Variants in ANKRD62 observed in about 807,000 individuals in gnomAD.
ANKRD62 encodes the protein ankyrin repeat domain-containing protein 62.
Under a neutral mutation model 98.8 loss-of-function variants are expected in ANKRD62, and 61 were observed. That is an observed-to-expected ratio of 0.62 (90% CI 0.50 to 0.76). The LOEUF is 0.76. ANKRD62 is among the 30% of genes least tolerant of loss of function. The pLI is 0.00. For synonymous variants in ANKRD62, 341 were observed against 367.9 expected (o/e 0.93, Z 0.84); for missense variants, 933 against 1,082.9 (o/e 0.86, Z 1.94).
chr18:12,159,851 A>G, the ANKRD62 span, among the ~76,000 whole-genome samples: 674 of 152,320 alleles, frequency 4.4e-3, 7 homozygotes, highest in African/African-American at 0.015. Flanking sequence ...TGGAAAATAT[A>G]TAACTGAATA....
the ANKRD62 span, among the ~76,000 whole-genome samples, chr18:12,141,429 G>A: frequency 2.8e-4 from 42 of 152,282 alleles, 1 homozygote; most frequent in South Asian, 6.2e-3. Flanking sequence ...CTTCTGTGTC[G>A]CTCACACTGG....
chr18:12,109,336 G>A (rs1007688249), intron 8 of ANKRD62, among the ~76,000 whole-genome samples: 7 of 152,170 alleles, frequency 4.6e-5, no homozygotes, highest in African/African-American at 1.7e-4. Flanking sequence ...CAAGGCATGG[G>A]TTTTTCACTC....
downstream of ANKRD62, among the ~76,000 whole-genome samples, chr18:12,130,843 A>G (rs1379916325): frequency 2.0e-5 from 3 of 151,926 alleles, no homozygotes; most frequent in African/African-American, 4.8e-5. Flanking sequence ...AGGTGCGTGC[A>G]GCCACACCAG....
chr18:12,146,295 C>A, the ANKRD62 span, among the ~76,000 whole-genome samples: 8 of 152,198 alleles, frequency 5.3e-5, no homozygotes, highest in African/African-American at 1.9e-4. Flanking sequence ...GTGGGACTTT[C>A]CAGGAGGAGG....
chr18:12,121,259 T>C (rs961641614), intron 10 of ANKRD62, among the ~76,000 whole-genome samples: 7 of 152,190 alleles, frequency 4.6e-5, no homozygotes, highest in African/African-American at 9.7e-5. Context: ...AGAATTCTTT[T>C]TGTTCTTGCT....
In ANKRD62 at chr18:12,107,397, A is replaced by G. The variant is rs1460816773; in HGVS notation, c.994A>G (p.Ile332Val). The G allele has an allele frequency of 6.6e-7, 1 of 1,526,672 alleles. No individual in the cohort carries two copies. The highest frequency in any genetic ancestry group is 8.8e-7 in the Non-Finnish European group (1 of 1,142,608). 94.6% of individuals were successfully genotyped at this position (1,526,672 alleles called of 1,614,324 possible). A position where few individuals can be genotyped will look rare whatever the true frequency, so the allele number is the denominator to read the frequency against. Reference protein sequence around the residue: ...DNYNDDVDELIHKIKNRKPDN... With the variant: ...DNYNDDVDELVHKIKNRKPDN... ...TTATAATGATGATGTTGATGAATTAATTCACAAAATAAAGAACAGAAAACC... is the reference window on the plus strand; with the variant it reads ...TTATAATGATGATGTTGATGAATTAGTTCACAAAATAAAGAACAGAAAACC... Residue 332 changes from isoleucine (I) to valine (V), a missense_variant, in exon 8 of 14, where the codon ATT (isoleucine) becomes GTT (valine). Ile to Val is a conservative substitution (Grantham distance 29). Around this residue, in one of 3 missense-constraint regions of ANKRD62, gnomAD observed 549 missense variants for 587.9 expected, o/e 0.93. Coordinates refer to ENST00000587848, the MANE Select transcript of ANKRD62 (RefSeq NM_001277333.2).
chr18:12,139,989 A>G, the ANKRD62 span, among the ~76,000 whole-genome samples: 1 of 152,136 alleles, frequency 6.6e-6, no homozygotes, highest in Admixed American at 6.5e-5. Context: ...TACACCAATG[A>G]TATGTAGATT....
chr18:12,118,214 C>T (rs1194344251), intron 10 of ANKRD62, among the ~76,000 whole-genome samples: 2 of 152,202 alleles, frequency 1.3e-5, no homozygotes, highest in Non-Finnish European at 2.9e-5. Flanking sequence ...CCTGTGTATC[C>T]TTTCCTGGTG....
In ANKRD62 at chr18:12,103,150, G is replaced by A. The variant is rs182520049; in HGVS notation, c.821-8G>A. The A allele has an allele frequency of 3.3e-4, 460 of 1,374,408 alleles. No homozygotes were observed. The African/African-American group carries it at 5.8e-3, about 17-fold the overall frequency. 85.1% of individuals were successfully genotyped at this position (1,374,408 alleles called of 1,614,324 possible). A position where few individuals can be genotyped will look rare whatever the true frequency, so the allele number is the denominator to read the frequency against. On this transcript the variant is annotated splice_polypyrimidine_tract_variant and splice_region_variant and intron_variant, in intron 6 of 13. Coordinates refer to ENST00000587848, the MANE Select transcript of ANKRD62 (RefSeq NM_001277333.2). ...TCATTTTAACTAAATATATGGATTT[G>A]TGAGCAGAACAAGACTTAGAAATGA...
At position 12,128,809 on chromosome 18, in the gene ANKRD62, A is replaced by G. The variant is rs1909946137; in HGVS notation, c.*870A>G. On this transcript the variant is annotated 3_prime_UTR_variant, in exon 14 of 14. Transcript: ENST00000587848. ...GCGCGGTGGCTCACGCCTGTGATCC[A>G]AGCACTTTGGGAGGCTGAAACGGGT... is the stretch of plus-strand genomic sequence containing the variant. 1 of 152,102 alleles carries G rather than the reference A, an allele frequency of 6.6e-6. No homozygotes were observed. The highest frequency in any genetic ancestry group is 3.2e-3 in the Middle Eastern group (1 of 316). 9.4% of individuals were successfully genotyped at this position (152,102 alleles called of 1,614,324 possible). A position where few individuals can be genotyped will look rare whatever the true frequency, so the allele number is the denominator to read the frequency against.
intron 6 of ANKRD62, chr18:12,102,301 C>G: frequency 2.7e-6 from 2 of 727,578 alleles, no homozygotes; most frequent in Non-Finnish European, 5.1e-6. Context: ...ACCTGGGAAC[C>G]AGAATGGTGG....
chr18:12,098,247 A>G (rs751747809), intron 5 of ANKRD62, among the ~76,000 whole-genome samples: 2 of 152,138 alleles, frequency 1.3e-5, no homozygotes, highest in Non-Finnish European at 2.9e-5. Context: ...TCTGTTTTCC[A>G]TAATAATAAA....
chr18:12,095,199 G>T lies in ANKRD62; in HGVS notation c.247G>T (p.Gly83Cys). The T allele has an allele frequency of 6.5e-7, 1 of 1,536,748 alleles. No individual in the cohort carries two copies. The highest frequency in any genetic ancestry group is 8.7e-7 in the Non-Finnish European group (1 of 1,146,840). ...TGCTCTACTTTTGGCGTGTGCCCAT[G>T]GCCGTCCAGGAGTGGTAGCTGACCT... ...RTALLLACAH[G>C]RPGVVADLVA... The change falls in exon 2 of 14, where the codon GGC becomes TGC. Residue 83 changes from glycine (G) to cysteine (C), a missense_variant. Gly to Cys is a radical substitution (Grantham distance 159). Around this residue, in one of 3 missense-constraint regions of ANKRD62, gnomAD observed 549 missense variants for 587.9 expected, o/e 0.93. Transcript: ENST00000587848.
At chr18:12,104,522 A>G (rs957605393) in intron 7 of ANKRD62, among the ~76,000 whole-genome samples, 2 of 152,176 alleles carry the variant, frequency 1.3e-5, no homozygotes, top group Non-Finnish European at 2.9e-5. Flanking sequence ...GTGCAAAAGT[A>G]TGAGGAAAAC....
intron 6 of ANKRD62, among the ~76,000 whole-genome samples, chr18:12,101,551 T>G (rs1909299632): frequency 6.6e-6 from 1 of 152,224 alleles, no homozygotes; most frequent in Non-Finnish European, 1.5e-5. Flanking sequence ...AGGGAAGTTT[T>G]CAAAAACTGA....
At chr18:12,102,402 G>A (rs1909321094) in intron 6 of ANKRD62, 2 of 556,958 alleles carry the variant, frequency 3.6e-6, no homozygotes, top group African/African-American at 3.7e-5. Flanking sequence ...GTGACCACTG[G>A]GGTTCGCAGC....
chr18:12,129,607 G>A lies in ANKRD62; in HGVS notation c.*1668G>A, dbSNP rs1220530518. ...CTAAAAAACACAAAAAATTAGCCAG[G>A]CGTGGTGGCAGGCGCCTGTAGTCCC... On this transcript the variant is annotated 3_prime_UTR_variant, in exon 14 of 14. Transcript: ENST00000587848. 1 of 152,124 alleles carries A rather than the reference G, an allele frequency of 6.6e-6. No homozygotes were observed. Among genetic ancestry groups the A allele is most frequent in the Non-Finnish European group, 1.5e-5 (1 of 68,112 alleles). 9.4% of individuals were successfully genotyped at this position (152,124 alleles called of 1,614,324 possible). A position where few individuals can be genotyped will look rare whatever the true frequency, so the allele number is the denominator to read the frequency against.
chr18:12,102,049 T>G lies in ANKRD62; in HGVS notation c.821-1109T>G, dbSNP rs542152394. On this transcript the variant is annotated intron_variant, in intron 6 of 13. Coordinates refer to ENST00000587848, the MANE Select transcript of ANKRD62 (RefSeq NM_001277333.2). ...GATGCCCACATCATGGTAGTTGAAA[T>G]AGCAAAGCCCAGCAAAGGTTAAAGC... 1.6e-5 allele frequency: 22 copies of G among 1,408,584 alleles called. No individual in the cohort carries two copies. The African/African-American group carries it at 2.1e-4, about 14-fold the overall frequency. The allele number at this position is 1,408,584 out of a possible 1,614,324, so 87.3% of individuals were successfully genotyped here.
chr18:12,105,229 C>A (rs1909387422), intron 7 of ANKRD62, among the ~76,000 whole-genome samples: 1 of 152,162 alleles, frequency 6.6e-6, no homozygotes, highest in Non-Finnish European at 1.5e-5. Flanking sequence ...AAAACCAATT[C>A]AAAACTTGTT....
Sources: allele counts gnomAD v4.1 joint callset (sites outside exome capture counted in the v4.1 genomes callset), GRCh38; gene constraint gnomAD v4.1.1; regional missense constraint gnomAD v4.1.1; transcripts MANE v1.5; gene names NCBI Gene and HGNC (gene_info 2026-07-23, HGNC 2026-07-21).